Variants in KCNMA1 observed in about 807,000 individuals in gnomAD.
KCNMA1 encodes potassium calcium-activated channel subfamily M alpha 1, also known as Calcium-activated potassium channel subunit alpha-1.
A neutral mutation model predicts 140.0 loss-of-function variants in KCNMA1; 29 were observed. That is an observed-to-expected ratio of 0.21 (90% confidence interval 0.15 to 0.28). The LOEUF (loss-of-function observed/expected upper bound fraction) is 0.28. Ranked by LOEUF, KCNMA1 falls within the 10% of genes least tolerant of loss-of-function variation. The pLI, the probability that KCNMA1 is intolerant of heterozygous loss-of-function variation, is 1.00. For missense variants in KCNMA1, 880 were observed against 1,602.2 expected, an observed-to-expected ratio of 0.55 and a Z score of 7.70; for synonymous variants, 612 against 611.9, an observed-to-expected ratio of 1.00 and a Z score of 0.00.
chr10:76,934,340 A>G (rs962280932), intron 23 of KCNMA1, among the ~76,000 whole-genome samples: 11 of 152,226 alleles, frequency 7.2e-5, no homozygotes, highest in African/African-American at 2.7e-4. Context: ...TAAGAAAAGA[A>G]GTAAAGTTTT....
chr10:76,923,909 G>A (rs1017169098), intron 23 of KCNMA1, among the ~76,000 whole-genome samples: 11 of 152,154 alleles, frequency 7.2e-5, no homozygotes, highest in Admixed American at 3.3e-4. Context: ...GGAGGCTGAC[G>A]TGGGAGGATT....
chr10:77,591,462 G>C (rs984261178), intron 1 of KCNMA1, among the ~76,000 whole-genome samples: 3 of 152,122 alleles, frequency 2.0e-5, no homozygotes, highest in Non-Finnish European at 4.4e-5. Context: ...ACATAGGGTT[G>C]CGAGACCAGC....
At chr10:77,582,892 G>A (rs991922920) in intron 1 of KCNMA1, among the ~76,000 whole-genome samples, 2 of 152,222 alleles carry the variant, frequency 1.3e-5, no homozygotes, top group African/African-American at 4.8e-5. Context: ...CACCAGCCAG[G>A]GAGGGCCCAC....
intron 12 of KCNMA1, among the ~76,000 whole-genome samples, chr10:77,083,981 T>A (rs2096640925): frequency 6.6e-6 from 1 of 152,084 alleles, no homozygotes; most frequent in South Asian, 2.1e-4. Context: ...AGAAAGAACA[T>A]TAATTTTGGG....
At chr10:77,484,146 T>G (rs1432663473) in intron 1 of KCNMA1, among the ~76,000 whole-genome samples, 1 of 152,232 alleles carries the variant, frequency 6.6e-6, no homozygotes. Flanking sequence ...GGGAAGTATT[T>G]TCCAGAAAGG....
chr10:77,454,637 C>T (rs1449526913), intron 1 of KCNMA1, among the ~76,000 whole-genome samples: 1 of 152,222 alleles, frequency 6.6e-6, no homozygotes, highest in Non-Finnish European at 1.5e-5. Flanking sequence ...TAGAGTTGAT[C>T]AGCGATCACG....
chr10:77,161,597 A>G (rs958604490), intron 5 of KCNMA1, among the ~76,000 whole-genome samples: 1 of 152,168 alleles, frequency 6.6e-6, no homozygotes, highest in South Asian at 2.1e-4. Flanking sequence ...CATCTGAGAA[A>G]AGTCAGGCAC....
At chr10:77,226,769 T>A (rs1434312730) in intron 3 of KCNMA1, among the ~76,000 whole-genome samples, 1 of 152,076 alleles carries the variant, frequency 6.6e-6, no homozygotes, top group Non-Finnish European at 1.5e-5. Flanking sequence ...CAATCATAAC[T>A]GCTCTGAGGG....
chr10:77,415,825 A>G (rs535272974), intron 1 of KCNMA1, among the ~76,000 whole-genome samples: 1 of 152,358 alleles, frequency 6.6e-6, no homozygotes, highest in Non-Finnish European at 1.5e-5. Flanking sequence ...GCCTCAGTAC[A>G]GCGCACTGTG....
intron 4 of KCNMA1, among the ~76,000 whole-genome samples, chr10:77,184,381 G>A (rs1235460008): frequency 6.6e-6 from 1 of 152,030 alleles, no homozygotes; most frequent in Non-Finnish European, 1.5e-5. Flanking sequence ...CGCCACGCCT[G>A]GCTAACTTTT....
At chr10:77,111,820 G>T (rs140099074) in intron 7 of KCNMA1, among the ~76,000 whole-genome samples, 2 of 152,304 alleles carry the variant, frequency 1.3e-5, no homozygotes, top group East Asian at 3.9e-4. Flanking sequence ...TCTAAAAGCA[G>T]GGGGAAAGTC....
At position 77,408,316 on chromosome 10, in the gene KCNMA1, C is replaced by A. The variant is rs140811148; in HGVS notation, c.379-4293G>T. Reference sequence around the variant, plus strand: ...ACCTCCCACTGCAGAGGACCCTGTCCTTACACAGGAAGCACTTCCCAGTAG... The same window carrying A: ...ACCTCCCACTGCAGAGGACCCTGTCATTACACAGGAAGCACTTCCCAGTAG... On this transcript the variant is annotated intron_variant, in intron 1 of 27. Transcript: ENST00000286628. Among the ~76,000 whole-genome samples, 84 of 152,344 alleles carry A rather than the reference C, an allele frequency of 5.5e-4. 1 individual carries two copies. The highest frequency in any genetic ancestry group is 1.9e-3 in the African/African-American group (81 of 41,584).
intron 1 of KCNMA1, among the ~76,000 whole-genome samples, chr10:77,413,819 G>A (rs166994): frequency 0.46 from 70,324 of 152,028 alleles, 17,356 homozygotes; most frequent in South Asian, 0.55. Flanking sequence ...ACTGTGGGCT[G>A]TACCTTTAGG....
intron 1 of KCNMA1, among the ~76,000 whole-genome samples, chr10:77,425,677 G>A (rs567160420): frequency 6.6e-6 from 1 of 152,334 alleles, no homozygotes; most frequent in East Asian, 1.9e-4. Flanking sequence ...CAACAGGGCT[G>A]TGATACTCAG....
intron 19 of KCNMA1, chr10:76,970,996 C>G (rs770785860): frequency 3.9e-5 from 6 of 152,230 alleles, no homozygotes; most frequent in Non-Finnish European, 8.8e-5. Flanking sequence ...GATGTATTAG[C>G]CTGCATCATG....
intron 8 of KCNMA1, 122 bp downstream of exon 8, chr10:77,110,051 T>G (rs531546408): frequency 6.9e-6 from 6 of 872,360 alleles, no homozygotes; most frequent in Non-Finnish European, 1.1e-5. Context: ...TTAGCCTGAT[T>G]GTAACGTTAA....
chr10:77,479,892 C>A (rs186595438), intron 1 of KCNMA1, among the ~76,000 whole-genome samples: 132 of 152,334 alleles, frequency 8.7e-4, no homozygotes, highest in African/African-American at 3.0e-3. Flanking sequence ...GGACTGTTAG[C>A]TCCTGAGGGG....
chr10:76,880,533 C>A (rs144362548), downstream of KCNMA1, among the ~76,000 whole-genome samples: 4 of 152,264 alleles, frequency 2.6e-5, no homozygotes, highest in African/African-American at 9.6e-5. Flanking sequence ...ATGCTCTGGG[C>A]GTTTTACTAA....
chr10:77,144,207 G>T (rs1012555563), intron 5 of KCNMA1, among the ~76,000 whole-genome samples: 1 of 152,076 alleles, frequency 6.6e-6, no homozygotes, highest in Non-Finnish European at 1.5e-5. Context: ...ACAAATTGTG[G>T]TATATCCCAT....
Sources: allele counts gnomAD v4.1 joint callset (sites outside exome capture counted in the v4.1 genomes callset), GRCh38; gene constraint gnomAD v4.1.1; transcripts MANE v1.5; gene names NCBI Gene and HGNC (gene_info 2026-07-23, HGNC 2026-07-21).